Variants in PIAS1 observed in about 807,000 individuals in gnomAD.
PIAS1 encodes the protein E3 SUMO-protein ligase PIAS1.
In PIAS1, 6 loss-of-function variants were observed where a neutral mutation model predicts 71.3. The observed-to-expected ratio is 0.08, with a 90% CI of 0.05 to 0.17. The LOEUF (loss-of-function observed/expected upper bound fraction) is 0.17, where lower values mean the gene tolerates loss of function less well. PIAS1 is among the 10% of genes least tolerant of loss of function. The pLI, the probability that PIAS1 is intolerant of heterozygous loss-of-function variation, is 1.00. For missense variants in PIAS1, 555 were observed against 793.6 expected, an observed-to-expected ratio of 0.70 and a Z score of 3.61; for synonymous variants, 303 against 292.9, an observed-to-expected ratio of 1.03 and a Z score of -0.35.
At chr15:68,149,967 A>T (rs1330138514) in intron 6 of PIAS1, among the ~76,000 whole-genome samples, 1 of 152,072 alleles carries the variant, frequency 6.6e-6, no homozygotes, top group Admixed American at 6.5e-5. Flanking sequence ...ATTAATTTTG[A>T]TAGAATATTA....
At chr15:68,134,467 C>A (rs1420312981) in intron 2 of PIAS1, among the ~76,000 whole-genome samples, 1 of 53,402 alleles carries the variant, frequency 1.9e-5, no homozygotes, top group South Asian at 4.9e-4. Flanking sequence ...ACCTCCCGGA[C>A]GGGGCGGCTG....
rs561314286 is a variant in PIAS1 at position 68,142,064 on chromosome 15, C to T, written c.554+34C>T. 128 of 1,374,076 alleles carry T rather than the reference C, an allele frequency of 9.3e-5. 1 individual carries two copies. The Middle Eastern group carries it at 1.8e-3, about 19-fold the overall frequency. 85.1% of individuals were successfully genotyped at this position (1,374,076 alleles called of 1,614,324 possible). ...TCGTCAAGTGTAACTTGAAGTTTGA[C>T]CTTTGAATCCAGTAGTCTATAATAA... On this transcript the variant is annotated intron_variant, in intron 3 of 13. Coordinates refer to ENST00000249636, the MANE Select transcript of PIAS1 (RefSeq NM_016166.3).
rs566951029 is a variant in PIAS1 at position 68,189,605 on chromosome 15, T to C, written c.*1770T>C. The C allele has an allele frequency of 2.6e-5, 4 of 151,912 alleles. No homozygotes were observed. The highest frequency in any genetic ancestry group is 9.7e-5 in the African/African-American group (4 of 41,260). 9.4% of individuals were successfully genotyped at this position (151,912 alleles called of 1,614,324 possible). The stretch of plus-strand genomic sequence containing the variant: ...TGCCACTAAATTGTTGACTTGAATT[T>C]TGGGAAAAAAAAAAGTTGGTGTTGA... On this transcript the variant is annotated 3_prime_UTR_variant, in exon 14 of 14. Coordinates refer to ENST00000249636, the MANE Select transcript of PIAS1 (RefSeq NM_016166.3).
intron 2 of PIAS1, among the ~76,000 whole-genome samples, chr15:68,099,401 CTTT>C (rs1353185693): frequency 2.0e-5 from 3 of 150,668 alleles, no homozygotes; most frequent in Non-Finnish European, 4.4e-5. Context: ...TTGTGATTGT[CTTT>C]TGAGTTTTTT....
rs547348325 is a variant in PIAS1, at chr15:68,177,464, T to C, written c.1481+810T>C. Among the ~76,000 whole-genome samples, 20 of 152,254 alleles carry C rather than the reference T, an allele frequency of 1.3e-4. No homozygotes were observed. In the South Asian group the frequency reaches 4.1e-3, roughly 32 times the overall value. ...CCAATGATTTAAATCTGCTTCAGAA[T>C]GTGAATGAGGCTGGTAGTGAATGAC... is the stretch of plus-strand genomic sequence containing the variant. On this transcript the variant is annotated intron_variant, in intron 11 of 13. Transcript: ENST00000249636.
chr15:68,083,946 T>C (rs2092254337), intron 1 of PIAS1, among the ~76,000 whole-genome samples: 1 of 152,090 alleles, frequency 6.6e-6, no homozygotes, highest in African/African-American at 2.4e-5. Context: ...CAAGTATTGT[T>C]ATTGCTGCTG....
rs1461276774 is a variant in PIAS1 at position 68,167,304 on chromosome 15, A to G, written c.1008+2500A>G. On this transcript the variant is annotated intron_variant, in intron 8 of 13. Transcript: ENST00000249636. This position sits in a 1 kb window ranked among gnomAD's most constrained non-coding sequence, Gnocchi z 4.4. The stretch of plus-strand genomic sequence containing the variant: ...ACAGTTATTCTGAAATAGTAAGATC[A>G]TGTATTTTAGGTATGTTTTTACTCA... 1.3e-5 allele frequency among the ~76,000 whole-genome samples: 2 copies of G among 152,164 alleles called. No individual in the cohort carries two copies. Among genetic ancestry groups the G allele is most frequent in the Non-Finnish European group, 2.9e-5 (2 of 68,028 alleles).
chr15:68,071,595 G>C (rs1295770131), intron 1 of PIAS1, among the ~76,000 whole-genome samples: 1 of 151,946 alleles, frequency 6.6e-6, no homozygotes, highest in African/African-American at 2.4e-5. Context: ...GTAAATCTAA[G>C]TAGTTAACAA....
intron 1 of PIAS1, among the ~76,000 whole-genome samples, chr15:68,083,776 A>C (rs2092252226): frequency 6.6e-6 from 1 of 151,950 alleles, no homozygotes; most frequent in South Asian, 2.1e-4. Context: ...AAAAAAAAAA[A>C]AAACACCCAG....
At chr15:68,113,178 A>G (rs561047601) in intron 2 of PIAS1, among the ~76,000 whole-genome samples, 8 of 152,302 alleles carry the variant, frequency 5.3e-5, no homozygotes, top group African/African-American at 1.9e-4. Context: ...AACAAAGTAT[A>G]TTACATGCAT....
At chr15:68,175,805 C>T in intron 10 of PIAS1, 38 bp downstream of exon 10, 2 of 1,483,466 alleles carry the variant, frequency 1.3e-6, no homozygotes, top group Non-Finnish European at 1.8e-6. Flanking sequence ...AGTCTCCCTA[C>T]TGCTCTAAGT....
At chr15:68,172,960 G>A (rs1433907719) in intron 8 of PIAS1, among the ~76,000 whole-genome samples, 1 of 152,240 alleles carries the variant, frequency 6.6e-6, no homozygotes, top group Non-Finnish European at 1.5e-5. Context: ...GCAATGCAGA[G>A]TGTGTGCACC....
At chr15:68,175,051 C>T (rs960086729) in intron 9 of PIAS1, among the ~76,000 whole-genome samples, 22 of 151,944 alleles carry the variant, frequency 1.4e-4, no homozygotes, top group African/African-American at 4.8e-4. Flanking sequence ...AAGCTTTTTT[C>T]GGTATATGAT....
At chr15:68,149,932 G>A (rs1262841903) in intron 6 of PIAS1, among the ~76,000 whole-genome samples, 2 of 151,968 alleles carry the variant, frequency 1.3e-5, no homozygotes, top group African/African-American at 4.8e-5. Flanking sequence ...TACTGCTACT[G>A]TTATAACATT....
chr15:68,060,306 T>G (rs1467749302), intron 1 of PIAS1, among the ~76,000 whole-genome samples: 1 of 152,126 alleles, frequency 6.6e-6, no homozygotes, highest in Non-Finnish European at 1.5e-5. Context: ...CAGCTGATGC[T>G]TATCAGTTTT....
Position 68,193,093 on chromosome 15 carries a change from A to G in PIAS1, c.*5258A>G, listed in dbSNP as rs1184537812. 1 of 152,076 alleles carries G rather than the reference A, an allele frequency of 6.6e-6. No individual in the cohort carries two copies. The highest frequency in any genetic ancestry group is 1.5e-5 in the Non-Finnish European group (1 of 68,054). 9.4% of individuals were successfully genotyped at this position (152,076 alleles called of 1,614,324 possible). On this transcript the variant is annotated 3_prime_UTR_variant, in exon 14 of 14. Coordinates refer to ENST00000249636, the MANE Select transcript of PIAS1 (RefSeq NM_016166.3). The stretch of plus-strand genomic sequence containing the variant: ...TGGCCATTGCTGGTTACATCCCCTT[A>G]TTTCTCTCCGTAAGTCCTGGGGAGG...
intron 2 of PIAS1, among the ~76,000 whole-genome samples, chr15:68,139,114 T>C (rs2092753213): frequency 6.6e-6 from 1 of 152,204 alleles, no homozygotes; most frequent in Non-Finnish European, 1.5e-5. Flanking sequence ...AGCGTGTATG[T>C]TTCTGTGTTT....
In PIAS1 at chr15:68,067,716, AAAATT is replaced by A. The variant is rs535699380; in HGVS notation, c.24+13373_24+13377del. Among the ~76,000 whole-genome samples the A allele has an allele frequency of 7.2e-5, 11 of 152,290 alleles. No homozygotes were observed. In the South Asian group the frequency reaches 1.4e-3, roughly 20 times the overall value. On this transcript the variant is annotated intron_variant, in intron 1 of 13. Transcript: ENST00000249636. ...AGAAAGCTAGGTTGCTTTTTTAAAA[AAAATT>A]AAATTATATACAGCGTAGTATGTAT...
At chr15:68,099,932 AC>A (rs2092408885) in intron 2 of PIAS1, among the ~76,000 whole-genome samples, 1 of 152,100 alleles carries the variant, frequency 6.6e-6, no homozygotes, top group South Asian at 2.1e-4. Flanking sequence ...ACATACTTAT[AC>A]TCTTTGGTGA....
Sources: allele counts gnomAD v4.1 joint callset (sites outside exome capture counted in the v4.1 genomes callset), GRCh38; gene constraint gnomAD v4.1.1; non-coding constraint Gnocchi (gnomAD v3.1); transcripts MANE v1.5; gene names NCBI Gene and HGNC (gene_info 2026-07-23, HGNC 2026-07-21).